NSD2: variants seen among roughly 807,000 people sequenced by gnomAD.
NSD2 encodes nuclear receptor binding SET domain protein 2.
A neutral mutation model predicts 139.0 loss-of-function variants in NSD2; 12 were observed. The ratio of observed to expected loss-of-function variants is 0.09; its 90% CI spans 0.06 to 0.14. NSD2 has a LOEUF of 0.14. NSD2 is among the 10% of genes least tolerant of loss of function. The pLI, the probability that NSD2 is intolerant of heterozygous loss-of-function variation, is 1.00. For synonymous variants in NSD2, 669 were observed against 648.7 expected, an observed-to-expected ratio of 1.03 and a Z score of -0.48; for missense variants, 1,155 against 1,745.0, an observed-to-expected ratio of 0.66 and a Z score of 6.02.
At chr4:1,872,132 C>T (rs1159924052) in intron 1 of NSD2, among the ~76,000 whole-genome samples, 3 of 151,870 alleles carry the variant, frequency 2.0e-5, no homozygotes, top group Non-Finnish European at 4.4e-5. Context: ...GGCGCCCGGG[C>T]GTTGGTCAGC....
rs1727596185 is a variant in NSD2 at position 1,979,970 on chromosome 4, G to A, written c.*1061G>A. ...CAGCACGTGGGTCTAAAGAGAGACG[G>A]AGTCTAGCTCTCCTGCCACCCAGAG... On this transcript the variant is annotated 3_prime_UTR_variant, in exon 22 of 22. Transcript: ENST00000508803. The A allele has an allele frequency of 4.3e-6, 1 of 232,618 alleles. No homozygotes were observed. Among genetic ancestry groups the A allele is most frequent in the Non-Finnish European group, 8.5e-6 (1 of 117,698 alleles). The allele number at this position is 232,618 out of a possible 1,614,324, so 14.4% of individuals were successfully genotyped here. A position where few individuals can be genotyped will look rare whatever the true frequency, so the allele number is the denominator to read the frequency against.
Position 1,901,245 on chromosome 4 carries a change from TA to T in NSD2, c.596del (p.Lys199ArgfsTer20). ...TGTCTAAGATCTCAAGTCCTTCAGA[TA>T]AAAAGGTATTTAGGAGACGTTGTGT... Reference protein sequence around the residue: ...LVSKISSPSDKKIPAKKESCP... With the variant: ...LVSKISSPSDXKIPAKKESCP... On this transcript the variant is annotated frameshift_variant, in exon 2 of 22. Coordinates refer to ENST00000508803, the MANE Select transcript of NSD2 (RefSeq NM_001042424.3). LOFTEE classifies it high-confidence loss of function. 1 of 1,567,034 alleles carries T rather than the reference TA, an allele frequency of 6.4e-7. No individual in the cohort carries two copies. The highest frequency in any genetic ancestry group is 8.6e-7 in the Non-Finnish European group (1 of 1,161,620).
At chr4:1,891,560 G>A (rs1179049850) in intron 1 of NSD2, among the ~76,000 whole-genome samples, 1 of 152,000 alleles carries the variant, frequency 6.6e-6, no homozygotes, top group African/African-American at 2.4e-5. Flanking sequence ...AAGTGTTAAA[G>A]CTCCCCAGAG....
chr4:1,929,645 TG>T, intron 5 of NSD2, among the ~76,000 whole-genome samples: 1 of 152,190 alleles, frequency 6.6e-6, no homozygotes, highest in African/African-American at 2.4e-5. Context: ...TTGTGGGCAC[TG>T]TTGTTTGAAT....
chr4:1,872,587 T>TGAGAGA (rs1308253764), intron 1 of NSD2, among the ~76,000 whole-genome samples: 81 of 50,100 alleles, frequency 1.6e-3, no homozygotes, highest in African/African-American at 2.5e-3. Context: ...TGTGTGTGTG[T>TGAGAGA]GTGTGAGAGA....
At chr4:1,935,054 T>C in intron 6 of NSD2, 90 bp from the exon 7 acceptor site, 1 of 895,124 alleles carries the variant, frequency 1.1e-6, no homozygotes, top group Non-Finnish European at 1.7e-6. Flanking sequence ...TGGATCTGTA[T>C]GTTGAATGCC....
chr4:1,929,867 G>C (rs970447792), intron 5 of NSD2, among the ~76,000 whole-genome samples: 4 of 152,054 alleles, frequency 2.6e-5, no homozygotes, highest in African/African-American at 9.7e-5. Context: ...GGTTGATCTT[G>C]GGTGGGACCT....
chr4:1,947,546 G>C, intron 9 of NSD2: 1 of 1,053,238 alleles, frequency 9.5e-7, no homozygotes, highest in Non-Finnish European at 1.1e-6. Context: ...ATGAACTATA[G>C]TATTTTAGAT....
intron 1 of NSD2, among the ~76,000 whole-genome samples, chr4:1,888,524 T>A (rs1279917352): frequency 6.6e-6 from 1 of 151,968 alleles, no homozygotes; most frequent in Non-Finnish European, 1.5e-5. Context: ...AATGATTTTT[T>A]CCTCAGAATT....
At chr4:1,893,538 TTTTTG>T (rs1408354668) in intron 1 of NSD2, among the ~76,000 whole-genome samples, 2 of 136,610 alleles carry the variant, frequency 1.5e-5, no homozygotes, top group African/African-American at 2.6e-5. Flanking sequence ...CTTTTTTTGT[TTTTTG>T]TTTTTTTTTT....
At chr4:1,977,863 T>C (rs1163114403) in intron 21 of NSD2, among the ~76,000 whole-genome samples, 1 of 150,784 alleles carries the variant, frequency 6.6e-6, no homozygotes, top group Non-Finnish European at 1.5e-5. Context: ...CGGTGGCTCA[T>C]GCCTCTAATC....
Position 1,942,781 on chromosome 4 carries a change from C to G in NSD2, c.1881+3003C>G. On this transcript the variant is annotated intron_variant, in intron 9 of 21. Coordinates refer to ENST00000508803, the MANE Select transcript of NSD2 (RefSeq NM_001042424.3). The surrounding 1 kb of genome is among the most constrained non-coding windows in gnomAD (Gnocchi z 4.0). Reference sequence around the variant, plus strand: ...CTTACTGGACTTTTGTGGAAAATATCAGCGTCGCTACCCTCAGAAACAAAC... The same window carrying G: ...CTTACTGGACTTTTGTGGAAAATATGAGCGTCGCTACCCTCAGAAACAAAC... 9.2e-7 allele frequency: 1 copy of G among 1,081,658 alleles called. No individual in the cohort carries two copies. Among genetic ancestry groups the G allele is most frequent in the Non-Finnish European group, 1.1e-6 (1 of 888,534 alleles). 67.0% of individuals were successfully genotyped at this position (1,081,658 alleles called of 1,614,324 possible).
At position 1,975,418 on chromosome 4, in the gene NSD2, T is replaced by C. The variant is rs1260679102; in HGVS notation, c.3621+18T>C. On this transcript the variant is annotated intron_variant, in intron 20 of 21. Coordinates refer to ENST00000508803, the MANE Select transcript of NSD2 (RefSeq NM_001042424.3). ...GACCAAAGGTAAGGCTGTGGCGCCC[T>C]CCTTCCCCCCAGGCTCTGTGTTGGC... 1 of 1,609,552 alleles carries C rather than the reference T, an allele frequency of 6.2e-7. No individual in the cohort carries two copies. The highest frequency in any genetic ancestry group is 2.2e-5 in the East Asian group (1 of 44,848).
In NSD2 at chr4:1,978,735, G is replaced by C. The variant is rs752348506; in HGVS notation, c.3924G>C (p.Gln1308His). The change falls in exon 22 of 22, where the codon CAG (glutamine) becomes CAC (histidine). Residue 1308 changes from glutamine to histidine, a missense_variant. Transcript: ENST00000508803. ...LCPNSFCKEH[Q>H]DGTAFSCTPD... ...CCAATTCGTTCTGTAAGGAGCACCA[G>C]GACGGGACAGCCTTCAGCTGCACCC... is the stretch of plus-strand genomic sequence containing the variant. The C allele has an allele frequency of 6.2e-7, 1 of 1,614,186 alleles. No individual in the cohort carries two copies. The highest frequency in any genetic ancestry group is 8.5e-7 in the Non-Finnish European group (1 of 1,180,016).
Position 1,981,481 on chromosome 4 carries a change from G to A in NSD2, c.*2572G>A, listed in dbSNP as rs1727757755. On this transcript the variant is annotated 3_prime_UTR_variant, in exon 22 of 22. Coordinates refer to ENST00000508803, the MANE Select transcript of NSD2 (RefSeq NM_001042424.3). ...ACACAAAAACCGCCCCAATCCCTCA[G>A]GATTCCTTGGCATCCGAAACCAGCA... 4.0e-6 allele frequency: 1 copy of A among 247,920 alleles called. No homozygotes were observed. Among genetic ancestry groups the A allele is most frequent in the Admixed American group, 5.5e-5 (1 of 18,166 alleles). 15.4% of individuals were successfully genotyped at this position (247,920 alleles called of 1,614,324 possible). A position where few individuals can be genotyped will look rare whatever the true frequency, so the allele number is the denominator to read the frequency against.
intron 5 of NSD2, among the ~76,000 whole-genome samples, chr4:1,925,782 G>A (rs538003691): frequency 4.2e-5 from 6 of 142,228 alleles, no homozygotes; most frequent in Non-Finnish European, 4.5e-5. Flanking sequence ...ATTTTTTTTT[G>A]TTTGTTTGTT....
At chr4:1,971,849 A>T (rs1726515770) in intron 18 of NSD2, among the ~76,000 whole-genome samples, 1 of 152,256 alleles carries the variant, frequency 6.6e-6, no homozygotes, top group Non-Finnish European at 1.5e-5. Context: ...TCATTTGAGA[A>T]AATTCAAACC....
intron 20 of NSD2, 114 bp downstream of exon 20, chr4:1,975,514 A>G (rs1165840978): frequency 1.1e-6 from 1 of 916,838 alleles, no homozygotes. Flanking sequence ...TTGCCGGGAC[A>G]GGTGGGAGCA....
intron 18 of NSD2, among the ~76,000 whole-genome samples, chr4:1,969,067 G>C (rs966176955): frequency 2.0e-5 from 3 of 152,194 alleles, no homozygotes; most frequent in East Asian, 1.9e-4. Context: ...CCGGACACAG[G>C]GGGTGCAGAG....
Sources: gnomAD v4.1 joint callset for allele counts (sites outside exome capture counted in the v4.1 genomes callset) on GRCh38, gnomAD v4.1.1 for gene constraint, Gnocchi (gnomAD v3.1) non-coding constraint, MANE v1.5 for transcripts, NCBI Gene and HGNC (gene_info 2026-07-23, HGNC 2026-07-21) for gene names.